Variants in FRMD4B observed in about 807,000 individuals in gnomAD.
FRMD4B encodes the protein FERM domain-containing protein 4B.
A neutral mutation model predicts 141.5 loss-of-function variants in FRMD4B; 74 were observed. That is an observed-to-expected ratio of 0.52 (90% CI 0.43 to 0.63). The LOEUF is 0.63. Ranked by LOEUF, FRMD4B falls within the 30% of genes least tolerant of loss-of-function variation. FRMD4B has a pLI of 0.00. For synonymous variants in FRMD4B, 506 were observed against 467.9 expected, an observed-to-expected ratio of 1.08 and a Z score of -1.05; for missense variants, 1,366 against 1,253.4, an observed-to-expected ratio of 1.09 and a Z score of -1.36.
At chr3:69,250,724 T>TC (rs2093459314) in intron 5 of FRMD4B, among the ~76,000 whole-genome samples, 1 of 148,490 alleles carries the variant, frequency 6.7e-6, no homozygotes, top group Admixed American at 6.7e-5. Flanking sequence ...TTATCAGTTT[T>TC]CCTTTTTTTT....
chr3:69,368,913 G>A (rs767357030), intron 1 of FRMD4B, among the ~76,000 whole-genome samples: 25 of 152,228 alleles, frequency 1.6e-4, no homozygotes, highest in Non-Finnish European at 3.1e-4. Flanking sequence ...CTCTCACCTC[G>A]GCCTCCCAAA....
At chr3:69,405,679 C>T (rs17005827) in intron 2 of FRMD4B, among the ~76,000 whole-genome samples, 9,373 of 152,208 alleles carry the variant, frequency 0.062, 883 homozygotes, top group African/African-American at 0.2. Flanking sequence ...ATTGCTAAGC[C>T]GTGACGTTCT....
At chr3:69,188,120 C>A (rs576128268) in intron 18 of FRMD4B, among the ~76,000 whole-genome samples, 1 of 152,236 alleles carries the variant, frequency 6.6e-6, no homozygotes, top group South Asian at 2.1e-4. Flanking sequence ...ATACTGAACA[C>A]TCTTCTGGGA....
Position 69,218,393 on chromosome 3 carries a change from A to G in FRMD4B, c.732-14T>C, listed in dbSNP as rs1201590770. 2 of 1,227,460 alleles carry G rather than the reference A, an allele frequency of 1.6e-6. No individual in the cohort carries two copies. Among genetic ancestry groups the G allele is most frequent in the Non-Finnish European group, 1.2e-6 (1 of 841,282 alleles). The allele number at this position is 1,227,460 out of a possible 1,614,324, so 76.0% of individuals were successfully genotyped here. A position where few individuals can be genotyped will look rare whatever the true frequency, so the allele number is the denominator to read the frequency against. On this transcript the variant is annotated splice_polypyrimidine_tract_variant and intron_variant, in intron 9 of 22. Coordinates refer to ENST00000398540, the MANE Select transcript of FRMD4B (RefSeq NM_015123.3). ...ATTTTCATATACCTATGGAAAATAA[A>G]TATGTATCACAATCTTATTAAAATA...
intron 1 of FRMD4B, among the ~76,000 whole-genome samples, chr3:69,496,789 G>A (rs989837197): frequency 8.6e-5 from 13 of 151,646 alleles, no homozygotes; most frequent in African/African-American, 2.7e-4. Context: ...TGCTTAAGTC[G>A]CTATGGGCTA....
intron 1 of FRMD4B, among the ~76,000 whole-genome samples, chr3:69,491,730 A>G (rs1706303744): frequency 6.6e-6 from 1 of 152,240 alleles, no homozygotes; most frequent in South Asian, 2.1e-4. Flanking sequence ...ACACCATGAG[A>G]GACATCACAT....
rs2092563436 is a variant in FRMD4B at position 69,169,256 on chromosome 3, C to T, written c.*2605G>A. 2.6e-5 allele frequency among the ~76,000 whole-genome samples: 4 copies of T among 151,068 alleles called. No homozygotes were observed. Among genetic ancestry groups the T allele is most frequent in the Non-Finnish European group, 2.9e-5 (2 of 67,914 alleles). On this transcript the variant is annotated 3_prime_UTR_variant, in exon 23 of 23. Transcript: ENST00000398540. ...GTCACTTTTGGCTTTTAATAAATAACGTAGTTTAATTGGTTTAATACCAAT... is the reference window on the plus strand; with the variant it reads ...GTCACTTTTGGCTTTTAATAAATAATGTAGTTTAATTGGTTTAATACCAAT...
At chr3:69,325,318 T>C (rs964353617) in intron 1 of FRMD4B, among the ~76,000 whole-genome samples, 5 of 152,214 alleles carry the variant, frequency 3.3e-5, no homozygotes, top group Admixed American at 6.5e-5. Flanking sequence ...GCAGCTCTAA[T>C]GCCAACCTGG....
chr3:69,523,740 G>A (rs971171261), intron 1 of FRMD4B, among the ~76,000 whole-genome samples: 1 of 152,302 alleles, frequency 6.6e-6, no homozygotes, highest in Middle Eastern at 3.4e-3. Context: ...AAGAATGGGA[G>A]AAATGGATGT....
chr3:69,349,237 A>C (rs1175797731), intron 1 of FRMD4B, among the ~76,000 whole-genome samples: 2 of 152,202 alleles, frequency 1.3e-5, no homozygotes, highest in Non-Finnish European at 2.9e-5. Context: ...CTTCAAAGGG[A>C]ATAAAATACC....
chr3:69,248,677 A>T (rs1227594686), intron 7 of FRMD4B, among the ~76,000 whole-genome samples: 1 of 152,226 alleles, frequency 6.6e-6, no homozygotes. Context: ...GAGCAGGTAG[A>T]GGGTGAATTC....
At chr3:69,286,950 G>A (rs1021841848) in intron 5 of FRMD4B, among the ~76,000 whole-genome samples, 2 of 152,118 alleles carry the variant, frequency 1.3e-5, no homozygotes, top group Non-Finnish European at 1.5e-5. Flanking sequence ...GATTACAGGG[G>A]CACACCACCA....
chr3:69,419,062 T>C (rs964218235), intron 2 of FRMD4B, among the ~76,000 whole-genome samples: 7 of 151,846 alleles, frequency 4.6e-5, no homozygotes, highest in African/African-American at 1.7e-4. Flanking sequence ...GGGAAGAAAA[T>C]GTAGGTTGCA....
chr3:69,239,550 A>G (rs1245105848), intron 7 of FRMD4B, among the ~76,000 whole-genome samples: 1 of 152,214 alleles, frequency 6.6e-6, no homozygotes, highest in Non-Finnish European at 1.5e-5. Context: ...AAGAAATATC[A>G]TCCATAAGAA....
At position 69,286,766 on chromosome 3, in the gene FRMD4B, A is replaced by G. The variant is rs142009728; in HGVS notation, c.501+986T>C. On this transcript the variant is annotated intron_variant, in intron 5 of 22. Transcript: ENST00000398540. ...TTTAAAGCTATGCTAGTCTGCAAAG[A>G]GAAAAAACAAAAAACTGAGAGTGTT... Among the ~76,000 whole-genome samples, 77 of 152,348 alleles carry G rather than the reference A, an allele frequency of 5.1e-4. 1 individual carries two copies. In the East Asian group the frequency reaches 0.014, roughly 27 times the overall value.
intron 1 of FRMD4B, among the ~76,000 whole-genome samples, chr3:69,355,712 A>G (rs1292022625): frequency 1.3e-5 from 2 of 152,028 alleles, no homozygotes; most frequent in African/African-American, 2.4e-5. Context: ...ACACATAGAG[A>G]TGGAGTCTAC....
At chr3:69,443,337 C>T (rs1705366931) in intron 1 of FRMD4B, among the ~76,000 whole-genome samples, 1 of 152,204 alleles carries the variant, frequency 6.6e-6, no homozygotes. Flanking sequence ...GGCACAGAAA[C>T]TCCTGCTTTT....
intron 1 of FRMD4B, among the ~76,000 whole-genome samples, chr3:69,350,783 T>C (rs1463295017): frequency 9.5e-5 from 13 of 137,250 alleles, no homozygotes; most frequent in Non-Finnish European, 9.1e-5. Context: ...ATGAGAACAC[T>C]TGGACACAGG....
chr3:69,460,951 A>G (rs1283692211), intron 1 of FRMD4B, among the ~76,000 whole-genome samples: 6 of 152,208 alleles, frequency 3.9e-5, no homozygotes, highest in Admixed American at 6.5e-5. Context: ...AGAAATGGCT[A>G]TTCTTGGTCA....
Sources: allele counts gnomAD v4.1 joint callset (sites outside exome capture counted in the v4.1 genomes callset), GRCh38; gene constraint gnomAD v4.1.1; transcripts MANE v1.5; gene names NCBI Gene and HGNC (gene_info 2026-07-23, HGNC 2026-07-21).